The following LUC7L2 variants were observed in gnomAD, a reference collection of about 807,000 sequenced individuals.
LUC7L2 encodes the protein LUC7 like 2, pre-mRNA splicing factor.
In LUC7L2, 25 loss-of-function variants were observed where a neutral mutation model predicts 52.8. The ratio of observed to expected loss-of-function variants is 0.47; its 90% CI spans 0.34 to 0.66. LUC7L2 has a LOEUF of 0.66. LUC7L2 is among the 30% of genes least tolerant of loss of function. The pLI, the probability that LUC7L2 is intolerant of heterozygous loss-of-function variation, is 0.01. For synonymous variants in LUC7L2, 144 were observed against 160.9 expected (o/e 0.89, Z 0.80); for missense variants, 328 against 497.8 (o/e 0.66, Z 3.25).
At chr7:139,383,474 C>T (rs1185140202) in intron 2 of LUC7L2, among the ~76,000 whole-genome samples, 5 of 151,904 alleles carry the variant, frequency 3.3e-5, no homozygotes, top group East Asian at 1.9e-4. Context: ...TGTAATGGCG[C>T]GATCTCGGCT....
At chr7:139,383,970 G>A (rs1361882838) in intron 2 of LUC7L2, among the ~76,000 whole-genome samples, 3 of 147,090 alleles carry the variant, frequency 2.0e-5, no homozygotes, top group Non-Finnish European at 4.4e-5. Context: ...GGCTGGTTTC[G>A]AACTCCTGAC....
intron 2 of LUC7L2, among the ~76,000 whole-genome samples, chr7:139,393,420 G>A (rs993535261): frequency 6.6e-6 from 1 of 151,968 alleles, no homozygotes; most frequent in Non-Finnish European, 1.5e-5. Flanking sequence ...ACAGAGTGAG[G>A]CCCTGTCTCT....
intron 1 of LUC7L2, among the ~76,000 whole-genome samples, chr7:139,340,784 T>A (rs1037411827): frequency 6.6e-6 from 1 of 151,186 alleles, no homozygotes; most frequent in Non-Finnish European, 1.5e-5. Context: ...CCTGTGACTT[T>A]TGTCCTTTTT....
intron 2 of LUC7L2, among the ~76,000 whole-genome samples, chr7:139,383,523 T>C (rs910947599): frequency 1.1e-4 from 16 of 151,788 alleles, no homozygotes; most frequent in Non-Finnish European, 1.3e-4. Context: ...GCAATTCTCC[T>C]GCCTCAGCCT....
At chr7:139,375,301 A>G (rs1409432989) in intron 1 of LUC7L2, 1 of 985,398 alleles carries the variant, frequency 1.0e-6, no homozygotes, top group Non-Finnish European at 1.2e-6. Context: ...ATTGTGTTAT[A>G]TGAAGACAGA....
chr7:139,385,495 A>G (rs1181250584), intron 2 of LUC7L2, among the ~76,000 whole-genome samples: 1 of 151,562 alleles, frequency 6.6e-6, no homozygotes, highest in African/African-American at 2.4e-5. Context: ...CTAATTTTAA[A>G]ATTTCTGTAG....
chr7:139,398,622 G>C lies in LUC7L2; in HGVS notation c.180G>C (p.Leu60=), dbSNP rs1000583962. 18 of 1,610,876 alleles carry C rather than the reference G, an allele frequency of 1.1e-5. No individual in the cohort carries two copies. The highest frequency in any genetic ancestry group is 1.5e-5 in the Non-Finnish European group (18 of 1,179,056). Residue 60 remains leucine, a synonymous_variant, in exon 3 of 10, where the codon CTG becomes CTC. Coordinates refer to ENST00000354926, the MANE Select transcript of LUC7L2 (RefSeq NM_016019.5). The stretch of plus-strand genomic sequence containing the variant: ...AGAGAATGGATCTTGGAGAATGTCT[G>C]AAAGTCCATGACCTGGCTTTAAGAG... ...SGTRMDLGEC[L]KVHDLALRAD...
intron 1 of LUC7L2, chr7:139,345,707 A>T (rs112686545): frequency 1.2e-6 from 2 of 1,613,804 alleles, no homozygotes; most frequent in East Asian, 2.2e-5. Context: ...AGCCATGAAC[A>T]TGGAGAATAT....
At chr7:139,409,827 C>T (rs760960723) in intron 7 of LUC7L2, among the ~76,000 whole-genome samples, 173 bp downstream of exon 7, 38 of 152,294 alleles carry the variant, frequency 2.5e-4, no homozygotes, top group South Asian at 8.3e-4. Flanking sequence ...ATACAAGTAT[C>T]GTAACTCTTG....
intron 1 of LUC7L2, among the ~76,000 whole-genome samples, chr7:139,366,362 A>T (rs1800152932): frequency 6.6e-6 from 1 of 152,184 alleles, no homozygotes; most frequent in African/African-American, 2.4e-5. Context: ...TGCAGACCCC[A>T]GTTTTCTCTT....
intron 2 of LUC7L2, among the ~76,000 whole-genome samples, chr7:139,384,181 G>T (rs971528394): frequency 6.6e-6 from 1 of 152,130 alleles, no homozygotes; most frequent in African/African-American, 2.4e-5. Flanking sequence ...TTATTTAAGG[G>T]TTTAAGTATT....
chr7:139,375,633 T>C, intron 1 of LUC7L2: 18 of 981,242 alleles, frequency 1.8e-5, no homozygotes, highest in Non-Finnish European at 2.2e-5. Context: ...TTACTGTAAA[T>C]AAAAATATAT....
chr7:139,397,916 G>A (rs1794730683), intron 2 of LUC7L2, among the ~76,000 whole-genome samples: 1 of 152,070 alleles, frequency 6.6e-6, no homozygotes, highest in Admixed American at 6.6e-5. Flanking sequence ...ACTTATGTTG[G>A]GTCTTACTAG....
At chr7:139,381,558 C>T (rs536305995) in intron 2 of LUC7L2, among the ~76,000 whole-genome samples, 31 of 150,844 alleles carry the variant, frequency 2.1e-4, no homozygotes, top group Middle Eastern at 3.4e-3. Context: ...TACAAATGTG[C>T]GCCACTAGGC....
chr7:139,376,148 T>C lies in LUC7L2; in HGVS notation c.148T>C (p.Ser50Pro), dbSNP rs200028477. 6.2e-7 allele frequency: 1 copy of C among 1,613,802 alleles called. No individual in the cohort carries two copies. The highest frequency in any genetic ancestry group is 8.5e-7 in the Non-Finnish European group (1 of 1,179,872). Reference sequence around the variant, plus strand: ...CAACTGTTGTCCTCATGATGTCCTTTCTGGAACTGTATGTATTTACTAAAT... The same window carrying C: ...CAACTGTTGTCCTCATGATGTCCTTCCTGGAACTGTATGTATTTACTAAAT... Reference protein sequence around the residue: ...LLNCCPHDVLSGTRMDLGECL... With the variant: ...LLNCCPHDVLPGTRMDLGECL... The change falls in exon 2 of 10, where the codon TCT (serine) becomes CCT (proline). Residue 50 changes from serine (S) to proline (P), a missense_variant. Around this residue, in one of 2 missense-constraint regions of LUC7L2, gnomAD observed 133 missense variants for 274.4 expected, o/e 0.48. Coordinates refer to ENST00000354926, the MANE Select transcript of LUC7L2 (RefSeq NM_016019.5).
chr7:139,381,352 ATATTTTATTT>A (rs146531298), intron 2 of LUC7L2, among the ~76,000 whole-genome samples: 6 of 144,906 alleles, frequency 4.1e-5, no homozygotes, highest in East Asian at 3.9e-4. Flanking sequence ...CAAATTTTAC[ATATTTTATTT>A]TATTTTATTT....
In LUC7L2 at chr7:139,407,812, T is replaced by C. The variant is rs572682562; in HGVS notation, c.687+462T>C. Among the ~76,000 whole-genome samples the C allele has an allele frequency of 5.6e-4, 74 of 131,448 alleles. 1 individual carries two copies. Among genetic ancestry groups the C allele is most frequent in the Middle Eastern group, 3.8e-3 (1 of 264 alleles). 86.2% of individuals were successfully genotyped at this position (131,448 alleles called of 152,430 possible). On this transcript the variant is annotated intron_variant, in intron 6 of 9. Coordinates refer to ENST00000354926, the MANE Select transcript of LUC7L2 (RefSeq NM_016019.5). Reference sequence around the variant, plus strand: ...CTGCTTCCACTTCAGAAAGGACTTATGAAAAAATTTATATTTTTTTAAAAG... The same window carrying C: ...CTGCTTCCACTTCAGAAAGGACTTACGAAAAAATTTATATTTTTTTAAAAG...
At chr7:139,364,525 G>A (rs1327405103) in intron 1 of LUC7L2, among the ~76,000 whole-genome samples, 1 of 152,110 alleles carries the variant, frequency 6.6e-6, no homozygotes, top group East Asian at 1.9e-4. Context: ...TAAATTGTAG[G>A]ATATACTTCC....
At chr7:139,363,315 C>A in intron 1 of LUC7L2, 1 of 865,986 alleles carries the variant, frequency 1.2e-6, no homozygotes, top group Non-Finnish European at 1.4e-6. Flanking sequence ...ATCAGTGTAA[C>A]TCATACCCAT....
Sources: gnomAD v4.1 joint callset for allele counts (sites outside exome capture counted in the v4.1 genomes callset) on GRCh38, gnomAD v4.1.1 for gene constraint, gnomAD v4.1.1 regional missense constraint, MANE v1.5 for transcripts, NCBI Gene and HGNC (gene_info 2026-07-23, HGNC 2026-07-21) for gene names.